Variants in MATN2 observed in about 807,000 individuals in gnomAD.
MATN2 encodes the protein matrilin-2.
Under a neutral mutation model 103.2 loss-of-function variants are expected in MATN2, and 69 were observed. The observed-to-expected ratio is 0.67, with a 90% CI of 0.55 to 0.82. The LOEUF (loss-of-function observed/expected upper bound fraction) is 0.82. MATN2 is among the 40% of genes least tolerant of loss of function. The probability of loss-of-function intolerance (pLI) is 0.00; values close to 1 mark genes in which losing one functional copy is unlikely to be tolerated. For missense variants in MATN2, 1,023 were observed against 1,211.5 expected (o/e 0.84, Z 2.31); for synonymous variants, 429 against 450.2 (o/e 0.95, Z 0.60).
rs1812998717 is a variant in MATN2, at chr8:98,007,133, T to C, written c.1356T>C (p.His452=). ...SRVDHCAQQD[H]GCEQLCLNTE... ...TGGACCACTGTGCACAGCAGGACCA[T>C]GGCTGTGAGCAGCTGTGTCTGAACA... Residue 452 remains histidine, a synonymous_variant, in exon 9 of 19, where the codon CAT becomes CAC. Coordinates refer to ENST00000254898, the MANE Select transcript of MATN2 (RefSeq NM_002380.5). The surrounding 1 kb of genome is among the most constrained non-coding windows in gnomAD (Gnocchi z 4.2). 2 of 1,612,630 alleles carry C rather than the reference T, an allele frequency of 1.2e-6. No individual in the cohort carries two copies. The highest frequency in any genetic ancestry group is 1.7e-5 in the Admixed American group (1 of 59,794).
At chr8:97,980,759 G>T (rs1344823451) in intron 6 of MATN2, among the ~76,000 whole-genome samples, 1 of 151,578 alleles carries the variant, frequency 6.6e-6, no homozygotes, top group Non-Finnish European at 1.5e-5. Context: ...GATAGCAGTG[G>T]TGTTTCACCA....
intron 2 of MATN2, among the ~76,000 whole-genome samples, chr8:97,889,704 A>G (rs959645608): frequency 6.6e-6 from 1 of 151,808 alleles, no homozygotes; most frequent in Non-Finnish European, 1.5e-5. Flanking sequence ...CGACCTCCCA[A>G]AGTGCTGGGA....
intron 2 of MATN2, among the ~76,000 whole-genome samples, chr8:97,894,805 G>A (rs1032409465): frequency 6.6e-6 from 1 of 152,092 alleles, no homozygotes; most frequent in African/African-American, 2.4e-5. Flanking sequence ...GCTGCCTGGA[G>A]AATTAAATGT....
intron 2 of MATN2, among the ~76,000 whole-genome samples, chr8:97,893,597 TGA>T (rs1818708906): frequency 1.3e-5 from 1 of 77,656 alleles, no homozygotes; most frequent in African/African-American, 3.2e-5. Context: ...TATTTATTTA[TGA>T]TAGAGTCTTG....
chr8:97,945,372 C>T (rs930094101), intron 4 of MATN2, among the ~76,000 whole-genome samples: 5 of 152,172 alleles, frequency 3.3e-5, no homozygotes, highest in African/African-American at 4.8e-5. Context: ...TACCCAAGCT[C>T]ACATGGCTAG....
intron 6 of MATN2, among the ~76,000 whole-genome samples, chr8:97,988,189 T>TATATACAC (rs71570279): frequency 3.6e-5 from 2 of 54,952 alleles, no homozygotes; most frequent in African/African-American, 1.6e-4. Flanking sequence ...TATATATATA[T>TATATACAC]ACACACACAC....
At chr8:97,869,931 A>G (rs1363183292) in intron 1 of MATN2, among the ~76,000 whole-genome samples, 1 of 152,150 alleles carries the variant, frequency 6.6e-6, no homozygotes, top group African/African-American at 2.4e-5. Flanking sequence ...TGCTCTCCTC[A>G]GGGACACTCG....
chr8:97,898,090 G>A (rs1176287581), intron 2 of MATN2, among the ~76,000 whole-genome samples: 1 of 151,772 alleles, frequency 6.6e-6, no homozygotes, highest in Non-Finnish European at 1.5e-5. Flanking sequence ...TCAGTTCCAG[G>A]ATGTTCTCTC....
chr8:97,966,565 C>CAAA lies in MATN2; in HGVS notation c.958+5048_958+5050dup. On this transcript the variant is annotated intron_variant, in intron 5 of 18. Transcript: ENST00000254898. Reference sequence around the variant, plus strand: ...TGGGCAACAGAGTAAGACCTTGTCTCAAAAAAAAAAAAAAATGTTGGGGTG... The same window carrying CAAA: ...TGGGCAACAGAGTAAGACCTTGTCTCAAAAAAAAAAAAAAAAAATGTTGGGGTG... 2.8e-5 allele frequency among the ~76,000 whole-genome samples: 4 copies of CAAA among 141,972 alleles called. 1 individual carries two copies. Among genetic ancestry groups the CAAA allele is most frequent in the Admixed American group, 2.8e-4 (4 of 14,468 alleles). 93.1% of individuals were successfully genotyped at this position (141,972 alleles called of 152,430 possible).
chr8:97,907,750 A>G (rs534000399), intron 2 of MATN2, among the ~76,000 whole-genome samples: 1 of 152,274 alleles, frequency 6.6e-6, no homozygotes, highest in African/African-American at 2.4e-5. Flanking sequence ...TCCCTCATAG[A>G]GTGGTTATGA....
intron 5 of MATN2, among the ~76,000 whole-genome samples, chr8:97,976,300 G>A (rs1401523444): frequency 6.6e-6 from 1 of 151,964 alleles, no homozygotes; most frequent in Non-Finnish European, 1.5e-5. Context: ...GTAGAGACAG[G>A]GTTTCGCCAT....
Position 98,007,389 on chromosome 8 carries a change from AGGGC to A in MATN2, c.1451-86_1451-83del. On this transcript the variant is annotated intron_variant, in intron 9 of 18. Coordinates refer to ENST00000254898, the MANE Select transcript of MATN2 (RefSeq NM_002380.5). The surrounding 1 kb of genome is among the most constrained non-coding windows in gnomAD (Gnocchi z 4.2). ...CACTGGGACTGCATGCCTTCGAGGG[AGGGC>A]GGGGTGAGCATGACGGTCACTTGAT... The A allele has an allele frequency of 6.4e-7, 1 of 1,563,936 alleles. No individual in the cohort carries two copies. The highest frequency in any genetic ancestry group is 1.7e-5 in the Admixed American group (1 of 57,896).
chr8:97,970,038 G>C (rs1184964817), intron 5 of MATN2, among the ~76,000 whole-genome samples: 1 of 152,244 alleles, frequency 6.6e-6, no homozygotes, highest in African/African-American at 2.4e-5. Flanking sequence ...GCAAGCCAGA[G>C]GTAGAAGAAA....
Position 97,978,880 on chromosome 8 carries a change from C to T in MATN2, c.959-6C>T, listed in dbSNP as rs1245201653. On this transcript the variant is annotated splice_region_variant and splice_polypyrimidine_tract_variant and intron_variant, in intron 5 of 18. Coordinates refer to ENST00000254898, the MANE Select transcript of MATN2 (RefSeq NM_002380.5). The stretch of plus-strand genomic sequence containing the variant: ...TCTAATTCTGAATGTGTTTTATTCT[C>T]TCCAGCTGTGGACTACTGTGCCTCA... 1 of 1,613,808 alleles carries T rather than the reference C, an allele frequency of 6.2e-7. No individual in the cohort carries two copies. Among genetic ancestry groups the T allele is most frequent in the Admixed American group, 1.7e-5 (1 of 60,010 alleles).
chr8:97,893,321 A>G (rs1195282930), intron 2 of MATN2, among the ~76,000 whole-genome samples: 2 of 152,102 alleles, frequency 1.3e-5, no homozygotes, highest in Non-Finnish European at 2.9e-5. Flanking sequence ...CTTCCCCTTG[A>G]CCAGCCTTAT....
Position 97,882,788 on chromosome 8 carries a change from TTATACTCTTTTCAA to T in MATN2, c.-26-5271_-26-5258del, listed in dbSNP as rs549433515. Among the ~76,000 whole-genome samples, 382 of 152,346 alleles carry T rather than the reference TTATACTCTTTTCAA, an allele frequency of 2.5e-3. 1 individual carries two copies. Among genetic ancestry groups the T allele is most frequent in the African/African-American group, 8.9e-3 (369 of 41,594 alleles). Reference sequence around the variant, plus strand: ...ATTTTTTCATATTCCTAGGTCACTATTATACTCTTTTCAATATACTCTTTTCAATTTTATCTATT... The same window carrying T: ...ATTTTTTCATATTCCTAGGTCACTATTATACTCTTTTCAATTTTATCTATT... On this transcript the variant is annotated intron_variant, in intron 1 of 18. Transcript: ENST00000254898.
intron 4 of MATN2, among the ~76,000 whole-genome samples, chr8:97,946,829 T>C (rs1483035577): frequency 6.6e-6 from 1 of 152,204 alleles, no homozygotes; most frequent in Non-Finnish European, 1.5e-5. Context: ...ACATTATTTT[T>C]CCCAAGCTAC....
rs372424373 is a variant in MATN2, at chr8:97,979,000, C to T, written c.1073C>T (p.Thr358Met). ...TTTGCTCTTAACCCAGATAAAAAAA[C>T]GTGCACAAGTAAGTTACACACACAT... is the stretch of plus-strand genomic sequence containing the variant. ...EGFALNPDKK[T>M]CTKIDYCASS... The change falls in exon 6 of 19, where the codon ACG (threonine) becomes ATG (methionine). Residue 358 changes from threonine to methionine, a missense_variant. Thr to Met is a moderately conservative substitution (Grantham distance 81, BLOSUM62 -1). Transcript: ENST00000254898. 183 of 1,610,610 alleles carry T rather than the reference C, an allele frequency of 1.1e-4. No individual in the cohort carries two copies. Among genetic ancestry groups the T allele is most frequent in the African/African-American group, 1.1e-3 (81 of 74,870 alleles).
chr8:97,929,996 G>C (rs1345252597), intron 2 of MATN2, among the ~76,000 whole-genome samples: 4 of 152,208 alleles, frequency 2.6e-5, no homozygotes, highest in Non-Finnish European at 5.9e-5. Flanking sequence ...GCAACTCCTA[G>C]TATACCCTCT....
Sources: allele counts gnomAD v4.1 joint callset (sites outside exome capture counted in the v4.1 genomes callset), GRCh38; gene constraint gnomAD v4.1.1; non-coding constraint Gnocchi (gnomAD v3.1); transcripts MANE v1.5; gene names NCBI Gene and HGNC (gene_info 2026-07-23, HGNC 2026-07-21).